The following SIPA1L3 variants were observed in gnomAD, a reference collection of about 807,000 sequenced individuals.
SIPA1L3 encodes signal-induced proliferation-associated 1-like protein 3.
A neutral mutation model predicts 150.1 loss-of-function variants in SIPA1L3; 59 were observed. The ratio of observed to expected loss-of-function variants is 0.39; its 90% CI spans 0.32 to 0.49. The LOEUF (loss-of-function observed/expected upper bound fraction) is 0.49, where lower values mean the gene tolerates loss of function less well. Among genes scored for constraint, SIPA1L3 ranks in the 20% least tolerant of loss-of-function variants. SIPA1L3 has a pLI of 0.86. For synonymous variants in SIPA1L3, 1,070 were observed against 1,077.6 expected, an observed-to-expected ratio of 0.99 and a Z score of 0.14; for missense variants, 2,211 against 2,489.5, an observed-to-expected ratio of 0.89 and a Z score of 2.38.
At chr19:38,177,836 G>A (rs911693598) in intron 15 of SIPA1L3, among the ~76,000 whole-genome samples, 2 of 152,130 alleles carry the variant, frequency 1.3e-5, no homozygotes, top group African/African-American at 2.4e-5. Context: ...GACCAGCCTA[G>A]CCAACATGGT....
At position 38,104,004 on chromosome 19, in the gene SIPA1L3, T is replaced by G. The variant is rs548036484; in HGVS notation, c.2030-2533T>G. ...AGTAGCTGGGTGGGTGGATGGGTAATGTTCACAGGTGTCACAGCTCCCTGG... is the reference window on the plus strand; with the variant it reads ...AGTAGCTGGGTGGGTGGATGGGTAAGGTTCACAGGTGTCACAGCTCCCTGG... On this transcript the variant is annotated intron_variant, in intron 6 of 21. Coordinates refer to ENST00000222345, the MANE Select transcript of SIPA1L3 (RefSeq NM_015073.3). Among the ~76,000 whole-genome samples the G allele has an allele frequency of 2.0e-5, 3 of 151,814 alleles. No individual in the cohort carries two copies. The East Asian group carries it at 5.8e-4, about 29-fold the overall frequency.
At chr19:37,960,463 G>T (rs575277630) in intron 1 of SIPA1L3, among the ~76,000 whole-genome samples, 32 of 151,296 alleles carry the variant, frequency 2.1e-4, no homozygotes, top group African/African-American at 6.3e-4. Context: ...GAGTGCAGTG[G>T]CATGATCTTG....
chr19:38,022,831 T>G (rs1235595984), intron 1 of SIPA1L3, among the ~76,000 whole-genome samples: 2 of 152,214 alleles, frequency 1.3e-5, no homozygotes, highest in African/African-American at 4.8e-5. Context: ...CAGCCGCACA[T>G]GGGTCTGGGG....
intron 2 of SIPA1L3, among the ~76,000 whole-genome samples, chr19:38,042,679 A>G (rs1197752461): frequency 6.6e-6 from 1 of 152,202 alleles, no homozygotes; most frequent in African/African-American, 2.4e-5. Context: ...TCTAAGGATA[A>G]TATTTTGGGC....
chr19:38,077,112 C>T (rs1025278436), intron 2 of SIPA1L3, among the ~76,000 whole-genome samples: 9 of 152,162 alleles, frequency 5.9e-5, no homozygotes, highest in African/African-American at 2.2e-4. Context: ...GAAGCAGCTT[C>T]TGCCAACCAG....
chr19:37,996,120 G>C lies in SIPA1L3; in HGVS notation c.-378-32969G>C, dbSNP rs1967634170. 2.0e-5 allele frequency among the ~76,000 whole-genome samples: 3 copies of C among 151,936 alleles called. No individual in the cohort carries two copies. The South Asian group carries it at 6.2e-4, about 32-fold the overall frequency. ...GGGGATGTGTGTGTGTAGAGATGGG[G>C]TCTCACTACATTGCCAGGGCTGGTC... is the stretch of plus-strand genomic sequence containing the variant. On this transcript the variant is annotated intron_variant, in intron 1 of 21. Coordinates refer to ENST00000222345, the MANE Select transcript of SIPA1L3 (RefSeq NM_015073.3).
chr19:38,200,322 G>A (rs1263033520), intron 19 of SIPA1L3: 1 of 152,226 alleles, frequency 6.6e-6, no homozygotes. Context: ...CTAGGCTGGA[G>A]TATGCTGTTC....
intron 1 of SIPA1L3, among the ~76,000 whole-genome samples, chr19:37,943,320 C>G (rs1017648033): frequency 6.6e-6 from 1 of 152,064 alleles, no homozygotes; most frequent in African/African-American, 2.4e-5. Flanking sequence ...TGGATTGGAA[C>G]GTGGATAGCC....
intron 1 of SIPA1L3, among the ~76,000 whole-genome samples, chr19:37,975,530 C>T (rs1967054673): frequency 6.6e-6 from 1 of 152,158 alleles, no homozygotes; most frequent in African/African-American, 2.4e-5. Context: ...TGATATTGGT[C>T]ATGGTGCCCA....
At chr19:38,029,524 ATACTT>A (rs777527730) in intron 2 of SIPA1L3, among the ~76,000 whole-genome samples, 6 of 152,170 alleles carry the variant, frequency 3.9e-5, no homozygotes, top group Non-Finnish European at 7.3e-5. Context: ...TACATTTCAT[ATACTT>A]TTATTTTTTC....
At chr19:38,005,568 C>T (rs917410862) in intron 1 of SIPA1L3, among the ~76,000 whole-genome samples, 1 of 152,186 alleles carries the variant, frequency 6.6e-6, no homozygotes, top group African/African-American at 2.4e-5. Context: ...AAGCCCACCC[C>T]GCCCTTCTTC....
At chr19:38,015,385 T>C (rs1178192316) in intron 1 of SIPA1L3, among the ~76,000 whole-genome samples, 3 of 152,144 alleles carry the variant, frequency 2.0e-5, no homozygotes, top group African/African-American at 7.2e-5. Context: ...TTCCATGTCA[T>C]TGTTCTGCAT....
At chr19:37,965,377 A>G (rs2544718) in intron 1 of SIPA1L3, among the ~76,000 whole-genome samples, 44,235 of 147,642 alleles carry the variant, frequency 0.3, 7,976 homozygotes, top group East Asian at 0.69. Context: ...GTGCAGTGGC[A>G]CAATCTTGGC....
chr19:37,981,487 C>G (rs568966180), intron 1 of SIPA1L3, among the ~76,000 whole-genome samples: 2 of 151,530 alleles, frequency 1.3e-5, no homozygotes, highest in Admixed American at 6.6e-5. Flanking sequence ...TCTGCCACTT[C>G]TTGTCCGTGT....
chr19:38,063,553 G>A (rs559337824), intron 2 of SIPA1L3, among the ~76,000 whole-genome samples: 1 of 152,250 alleles, frequency 6.6e-6, no homozygotes, highest in African/African-American at 2.4e-5. Flanking sequence ...GTCTTAGCAG[G>A]TTTCAGTGGC....
intron 9 of SIPA1L3, among the ~76,000 whole-genome samples, chr19:38,124,228 G>T (rs1421805198): frequency 6.7e-6 from 1 of 149,160 alleles, no homozygotes; most frequent in Non-Finnish European, 1.5e-5. Flanking sequence ...GGGCGGAGGG[G>T]CTCCTCACTT....
chr19:37,927,685 G>A (rs921367941), intron 1 of SIPA1L3, among the ~76,000 whole-genome samples: 3 of 137,916 alleles, frequency 2.2e-5, no homozygotes, highest in East Asian at 3.9e-4. Flanking sequence ...GTGTGTGTGT[G>A]TGTGTGTATG....
chr19:37,926,458 CT>C (rs1455843321), intron 1 of SIPA1L3, among the ~76,000 whole-genome samples: 1 of 152,186 alleles, frequency 6.6e-6, no homozygotes, highest in Non-Finnish European at 1.5e-5. Context: ...CGGACTCTTG[CT>C]GGGTGTTTGG....
chr19:38,112,766 C>G (rs1221043249), intron 8 of SIPA1L3, among the ~76,000 whole-genome samples: 3 of 152,088 alleles, frequency 2.0e-5, no homozygotes, highest in Admixed American at 1.3e-4. Flanking sequence ...CTTCCCATCC[C>G]TCTTTCCCCA....
Sources: allele counts gnomAD v4.1 joint callset (sites outside exome capture counted in the v4.1 genomes callset), GRCh38; gene constraint gnomAD v4.1.1; transcripts MANE v1.5; gene names NCBI Gene and HGNC (gene_info 2026-07-23, HGNC 2026-07-21).